Variants in TTLL4 observed in about 807,000 individuals in gnomAD.
The protein encoded by TTLL4 is tubulin monoglutamylase TTLL4.
A neutral mutation model predicts 122.7 loss-of-function variants in TTLL4; 85 were observed. The observed-to-expected ratio is 0.69, with a 90% CI of 0.58 to 0.83. The LOEUF (loss-of-function observed/expected upper bound fraction) is 0.83. Ranked by LOEUF, TTLL4 falls within the 40% of genes least tolerant of loss-of-function variation. The pLI is 0.00. For missense variants in TTLL4, 1,363 were observed against 1,488.6 expected, an observed-to-expected ratio of 0.92 and a Z score of 1.39; for synonymous variants, 553 against 563.0, an observed-to-expected ratio of 0.98 and a Z score of 0.25.
intron 1 of TTLL4, among the ~76,000 whole-genome samples, chr2:218,711,252 TCTC>T (rs777157760): frequency 6.6e-5 from 10 of 152,248 alleles, no homozygotes; most frequent in Middle Eastern, 3.4e-3. Flanking sequence ...TCGGAGCCCT[TCTC>T]CTCTCCGCCA....
intron 1 of TTLL4, among the ~76,000 whole-genome samples, chr2:218,725,065 A>T (rs939570815): frequency 1.3e-5 from 2 of 151,884 alleles, no homozygotes; most frequent in African/African-American, 4.8e-5. Flanking sequence ...ACACCCAGCT[A>T]ATTTTTATTT....
downstream of TTLL4, among the ~76,000 whole-genome samples, chr2:218,756,077 G>A (rs1943146034): frequency 6.6e-6 from 1 of 152,150 alleles, no homozygotes; most frequent in Admixed American, 6.5e-5. Flanking sequence ...CTCCCCGCTG[G>A]CTGCAGTATT....
intron 2 of TTLL4, among the ~76,000 whole-genome samples, chr2:218,729,761 AAC>A (rs1486832448): frequency 2.7e-4 from 38 of 141,686 alleles, no homozygotes; most frequent in African/African-American, 9.1e-4. Context: ...AAAAAAAAAA[AAC>A]AAAAAAAAAA....
intron 1 of TTLL4, among the ~76,000 whole-genome samples, chr2:218,726,919 C>T (rs990327787): frequency 6.6e-6 from 1 of 152,208 alleles, no homozygotes; most frequent in Non-Finnish European, 1.5e-5. Context: ...ATTGTCCTGC[C>T]TCAGCCTCCT....
Position 218,753,164 on chromosome 2 carries a change from T to A in TTLL4, c.3237T>A (p.Val1079=). The A allele has an allele frequency of 6.2e-7, 1 of 1,614,210 alleles. No homozygotes were observed. The highest frequency in any genetic ancestry group is 1.7e-4 in the Middle Eastern group (1 of 6,058). The change falls in exon 18 of 20, where the codon GTT becomes GTA. Residue 1079 remains valine, a synonymous_variant. Coordinates refer to ENST00000392102, the MANE Select transcript of TTLL4 (RefSeq NM_014640.5). ...GCTACAAAGGGTTCCACATGGGAGT[T>A]GTCTCTGATTCTGCTCCAGTGGTGA... ...SWCYKGFHMG[V]VSDSAPVWSL...
At chr2:218,722,427 G>C (rs1318450363) in intron 1 of TTLL4, among the ~76,000 whole-genome samples, 13 of 151,610 alleles carry the variant, frequency 8.6e-5, no homozygotes, top group Non-Finnish European at 4.4e-5. Context: ...GGAATGAAAT[G>C]GAGGGAATAA....
At chr2:218,717,974 A>G (rs1405954446) in intron 1 of TTLL4, among the ~76,000 whole-genome samples, 1 of 152,048 alleles carries the variant, frequency 6.6e-6, no homozygotes, top group Non-Finnish European at 1.5e-5. Context: ...TATTTTTAGT[A>G]GAGATGGGGT....
At chr2:218,715,174 A>G (rs1183943561) in intron 1 of TTLL4, among the ~76,000 whole-genome samples, 2 of 152,236 alleles carry the variant, frequency 1.3e-5, no homozygotes, top group African/African-American at 4.8e-5. Flanking sequence ...AATAGAAGAC[A>G]GCTGGATTTT....
Position 218,748,921 on chromosome 2 carries a change from A to G in TTLL4, c.2587A>G (p.Lys863Glu). The change falls in exon 13 of 20, where the codon AAA becomes GAA. Residue 863 changes from lysine (K) to glutamate (E), a missense_variant. Around this residue, in one of 3 missense-constraint regions of TTLL4, gnomAD observed 596 missense variants for 655.8 expected, o/e 0.91. Coordinates refer to ENST00000392102, the MANE Select transcript of TTLL4 (RefSeq NM_014640.5). ...GGAGAAGATAAAGGATGTTGTTGTCAAAACTATCATCTCGTGAGTCACATT... is the reference window on the plus strand; with the variant it reads ...GGAGAAGATAAAGGATGTTGTTGTCGAAACTATCATCTCGTGAGTCACATT... ...IWEKIKDVVV[K>E]TIISSEPYVT... 6.2e-7 allele frequency: 1 copy of G among 1,614,156 alleles called. No individual in the cohort carries two copies. Among genetic ancestry groups the G allele is most frequent in the Non-Finnish European group, 8.5e-7 (1 of 1,180,018 alleles).
intron 2 of TTLL4, among the ~76,000 whole-genome samples, chr2:218,733,825 G>T (rs1407545403): frequency 2.0e-5 from 3 of 152,182 alleles, no homozygotes; most frequent in Non-Finnish European, 4.4e-5. Context: ...GGCACTGAGG[G>T]TTCATGTGGT....
chr2:218,754,442 C>A lies in TTLL4; in HGVS notation c.*53C>A. 1 of 1,605,290 alleles carries A rather than the reference C, an allele frequency of 6.2e-7. No homozygotes were observed. Among genetic ancestry groups the A allele is most frequent in the Non-Finnish European group, 8.5e-7 (1 of 1,175,880 alleles). ...AGGAGCATGGGCATCAGCTACCTCA[C>A]GGGAACCAGCCTGCTGTTCAGACCA... On this transcript the variant is annotated 3_prime_UTR_variant, in exon 20 of 20. Transcript: ENST00000392102.
intron 1 of TTLL4, among the ~76,000 whole-genome samples, chr2:218,716,984 A>G (rs1246843646): frequency 6.6e-6 from 1 of 151,576 alleles, no homozygotes; most frequent in Non-Finnish European, 1.5e-5. Flanking sequence ...GGCAAATAAC[A>G]TCTTAGGTTT....
downstream of TTLL4, among the ~76,000 whole-genome samples, chr2:218,756,323 G>T (rs1324327995): frequency 6.6e-6 from 1 of 152,166 alleles, no homozygotes; most frequent in Non-Finnish European, 1.5e-5. Context: ...CAGCATTGCT[G>T]AATGGGGGTA....
At chr2:218,758,571 G>A (rs1423834066), downstream of TTLL4, among the ~76,000 whole-genome samples, 4 of 152,132 alleles carry the variant, frequency 2.6e-5, no homozygotes, top group Non-Finnish European at 5.9e-5. Flanking sequence ...TTAAAGCTGA[G>A]GATGTATTGA....
At chr2:218,715,270 G>A (rs1174116875) in intron 1 of TTLL4, among the ~76,000 whole-genome samples, 1 of 152,152 alleles carries the variant, frequency 6.6e-6, no homozygotes, top group Non-Finnish European at 1.5e-5. Context: ...AAAGGATGAA[G>A]TATTTCAGTA....
chr2:218,747,320 G>C lies in TTLL4; in HGVS notation c.2197G>C (p.Val733Leu). 2 of 1,614,160 alleles carry C rather than the reference G, an allele frequency of 1.2e-6. No individual in the cohort carries two copies. The highest frequency in any genetic ancestry group is 1.7e-6 in the Non-Finnish European group (2 of 1,180,034). ...ATCAGCTCGAGGCATTGGCATCCAG[G>C]TTATTCACAAGTGGAGTCAGCTCCC... ...PASARGIGIQ[V>L]IHKWSQLPKR... Residue 733 changes from valine to leucine, a missense_variant, in exon 10 of 20, where the codon GTT (valine) becomes CTT (leucine). Val to Leu is a conservative substitution (Grantham distance 32). Coordinates refer to ENST00000392102, the MANE Select transcript of TTLL4 (RefSeq NM_014640.5). The surrounding 1 kb of genome is among the most constrained non-coding windows in gnomAD (Gnocchi z 4.7).
intron 1 of TTLL4, among the ~76,000 whole-genome samples, chr2:218,711,339 C>T (rs1470175963): frequency 6.6e-6 from 1 of 152,236 alleles, no homozygotes; most frequent in African/African-American, 2.4e-5. Flanking sequence ...GGCCTCCGAG[C>T]TTCCTCTGTC....
chr2:218,726,534 C>T (rs756195528), intron 1 of TTLL4, among the ~76,000 whole-genome samples: 1 of 152,182 alleles, frequency 6.6e-6, no homozygotes, highest in Non-Finnish European at 1.5e-5. Context: ...GGCACGATCT[C>T]AGCTCACTGC....
intron 8 of TTLL4, chr2:218,746,703 C>T (rs1248084245): frequency 9.4e-6 from 4 of 427,646 alleles, no homozygotes; most frequent in Admixed American, 8.1e-5. Context: ...TTACTAAAGG[C>T]GAAATGCTTT....
Sources: gnomAD v4.1 joint callset for allele counts (sites outside exome capture counted in the v4.1 genomes callset) on GRCh38, gnomAD v4.1.1 for gene constraint, gnomAD v4.1.1 regional missense constraint, Gnocchi (gnomAD v3.1) non-coding constraint, MANE v1.5 for transcripts, NCBI Gene and HGNC (gene_info 2026-07-23, HGNC 2026-07-21) for gene names.